RNASEH1: variants seen among roughly 807,000 people sequenced by gnomAD.
RNASEH1 encodes ribonuclease H type II.
In RNASEH1, 27 loss-of-function variants were observed where a neutral mutation model predicts 34.6. The observed-to-expected ratio is 0.78, with a 90% CI of 0.58 to 1.08. The LOEUF (loss-of-function observed/expected upper bound fraction) is 1.08. Ranked by LOEUF, RNASEH1 falls within the 50% of genes least tolerant of loss-of-function variation. The pLI, the probability that RNASEH1 is intolerant of heterozygous loss-of-function variation, is 0.00. For missense variants in RNASEH1, 349 were observed against 373.6 expected (o/e 0.93, Z 0.54); for synonymous variants, 162 against 138.4 (o/e 1.17, Z -1.20).
intron 4 of RNASEH1, chr2:3,550,058 G>A (rs1241084873): frequency 2.7e-5 from 7 of 263,302 alleles, no homozygotes; most frequent in South Asian, 1.5e-4. Context: ...TGGGAGGATC[G>A]CTTGAGCCCA....
At chr2:3,533,995 ATT>A in the RNASEH1 span, 1 of 151,988 alleles carries the variant, frequency 6.6e-6, no homozygotes, top group Non-Finnish European at 1.5e-5. Context: ...TCGAATGGTG[ATT>A]TTTTTCTAGG....
Position 3,544,760 on chromosome 2 carries a change from C to T in RNASEH1, c.*1025G>A, listed in dbSNP as rs1416217847. 6.6e-6 allele frequency: 1 copy of T among 151,814 alleles called. No individual in the cohort carries two copies. The highest frequency in any genetic ancestry group is 1.5e-5 in the Non-Finnish European group (1 of 67,974). 9.4% of individuals were successfully genotyped at this position (151,814 alleles called of 1,614,324 possible). On this transcript the variant is annotated 3_prime_UTR_variant, in exon 8 of 8. Transcript: ENST00000315212. ...AAAGGTTTAAAACTAAATAAATAAT[C>T]ATGTCAAACTTTTACTACTTTTTTT...
At position 3,541,774 on chromosome 2, in the gene RNASEH1, G is replaced by A. The variant is rs540468125; in HGVS notation, c.*4011C>T. Among the ~76,000 whole-genome samples the A allele has an allele frequency of 1.6e-4, 24 of 152,204 alleles. No homozygotes were observed. Among genetic ancestry groups the A allele is most frequent in the Non-Finnish European group, 3.2e-4 (22 of 68,042 alleles). ...TTGGTGGTGATGGACATGTTCTGGCGACAGCTTCACAGGCAAATGCATCGG... is the reference window on the plus strand; with the variant it reads ...TTGGTGGTGATGGACATGTTCTGGCAACAGCTTCACAGGCAAATGCATCGG... On this transcript the variant is annotated 3_prime_UTR_variant, in exon 8 of 8. Coordinates refer to ENST00000315212, the MANE Select transcript of RNASEH1 (RefSeq NM_002936.6).
chr2:3,538,390 A>T (rs1302201493), downstream of RNASEH1, among the ~76,000 whole-genome samples: 1 of 151,606 alleles, frequency 6.6e-6, no homozygotes, highest in African/African-American at 2.4e-5. Context: ...AAAAGATAAA[A>T]AGATAGCATA....
At chr2:3,532,899 A>G in the RNASEH1 span, among the ~76,000 whole-genome samples, 1 of 152,232 alleles carries the variant, frequency 6.6e-6, no homozygotes, top group Admixed American at 6.5e-5. Flanking sequence ...ACTAAGGGGC[A>G]TGGAGGCGCT....
Position 3,541,496 on chromosome 2 carries a change from T to A in RNASEH1, c.*4289A>T, listed in dbSNP as rs987433097. Among the ~76,000 whole-genome samples, 1 of 152,150 alleles carries A rather than the reference T, an allele frequency of 6.6e-6. No individual in the cohort carries two copies. Among genetic ancestry groups the A allele is most frequent in the African/African-American group, 2.4e-5 (1 of 41,426 alleles). On this transcript the variant is annotated 3_prime_UTR_variant, in exon 8 of 8. Transcript: ENST00000315212. ...AAATTGGAAATAATCGAAATATCGGTCAACAGGTAAATAAATAAACTGTGG... is the reference window on the plus strand; with the variant it reads ...AAATTGGAAATAATCGAAATATCGGACAACAGGTAAATAAATAAACTGTGG...
the RNASEH1 span, among the ~76,000 whole-genome samples, chr2:3,535,835 G>A: frequency 6.6e-6 from 1 of 152,230 alleles, no homozygotes; most frequent in African/African-American, 2.4e-5. Context: ...CTCTGCACTA[G>A]TACAGGCAGG....
chr2:3,549,124 C>G lies in RNASEH1; in HGVS notation c.510-12G>C. On this transcript the variant is annotated splice_polypyrimidine_tract_variant and intron_variant, in intron 4 of 7. Transcript: ENST00000315212. ...TAATGCCTACATTTCTGTTTCAAAA[C>G]AGTACAAAAGAAAATAAAAGTATAA... The G allele has an allele frequency of 6.2e-7, 1 of 1,606,736 alleles. No individual in the cohort carries two copies. Among genetic ancestry groups the G allele is most frequent in the South Asian group, 1.1e-5 (1 of 90,624 alleles).
rs1011586297 is a variant in RNASEH1, at chr2:3,542,198, C to T, written c.*3587G>A. 1.3e-5 allele frequency among the ~76,000 whole-genome samples: 2 copies of T among 152,106 alleles called. No homozygotes were observed. Among genetic ancestry groups the T allele is most frequent in the Non-Finnish European group, 2.9e-5 (2 of 68,032 alleles). On this transcript the variant is annotated 3_prime_UTR_variant, in exon 8 of 8. Coordinates refer to ENST00000315212, the MANE Select transcript of RNASEH1 (RefSeq NM_002936.6). ...CTAAACTCCAGTTCAAGCAAATCTT[C>T]TTAAAATAACAGATATGAAGTACAC... is the stretch of plus-strand genomic sequence containing the variant.
Position 3,541,822 on chromosome 2 carries a change from A to G in RNASEH1, c.*3963T>C, listed in dbSNP as rs1668330524. ...CGGTCACTTCACGTATGTGCAGTTC[A>G]TTACCTGTCAGTTACACCTCAACAG... On this transcript the variant is annotated 3_prime_UTR_variant, in exon 8 of 8. Transcript: ENST00000315212. Among the ~76,000 whole-genome samples the G allele has an allele frequency of 6.6e-6, 1 of 152,170 alleles. No homozygotes were observed. The highest frequency in any genetic ancestry group is 2.4e-5 in the African/African-American group (1 of 41,442).
chr2:3,558,324 G>T lies in RNASEH1; in HGVS notation c.-64C>A. ...CCCAGCGTGGGCGCGAGCCGCCGGCGCTCAACACCGCACTTCCGTCACCGG... is the reference window on the plus strand; with the variant it reads ...CCCAGCGTGGGCGCGAGCCGCCGGCTCTCAACACCGCACTTCCGTCACCGG... On this transcript the variant is annotated 5_prime_UTR_variant, in exon 1 of 8. Transcript: ENST00000315212. 1 of 1,458,132 alleles carries T rather than the reference G, an allele frequency of 6.9e-7. No individual in the cohort carries two copies. Among genetic ancestry groups the T allele is most frequent in the Admixed American group, 2.6e-5 (1 of 38,112 alleles). The allele number at this position is 1,458,132 out of a possible 1,614,324, so 90.3% of individuals were successfully genotyped here.
chr2:3,552,122 T>C, intron 3 of RNASEH1, 22 bp downstream of exon 3: 1 of 1,588,678 alleles, frequency 6.3e-7, no homozygotes, highest in Non-Finnish European at 8.6e-7. Flanking sequence ...TATTAAAATC[T>C]GAAAACCCAA....
the RNASEH1 span, chr2:3,532,192 T>C: frequency 1.0e-5 from 7 of 695,186 alleles, no homozygotes; most frequent in African/African-American, 1.0e-4. Flanking sequence ...CCTCCGGGTG[T>C]CAGCACCTGG....
At chr2:3,538,349 T>C (rs1252525110), downstream of RNASEH1, among the ~76,000 whole-genome samples, 1 of 151,090 alleles carries the variant, frequency 6.6e-6, no homozygotes, top group Non-Finnish European at 1.5e-5. Context: ...CAAAACTCCA[T>C]CTCAAAAAAA....
intron 2 of RNASEH1, among the ~76,000 whole-genome samples, chr2:3,553,156 G>A (rs1334729109): frequency 6.6e-6 from 1 of 151,788 alleles, no homozygotes; most frequent in Non-Finnish European, 1.5e-5. Context: ...GCTGAGGCAG[G>A]AGAATGGTGT....
At position 3,545,036 on chromosome 2, in the gene RNASEH1, A is replaced by C. The variant is rs971539762; in HGVS notation, c.*749T>G. 2 of 151,238 alleles carry C rather than the reference A, an allele frequency of 1.3e-5. No individual in the cohort carries two copies. The highest frequency in any genetic ancestry group is 4.9e-5 in the African/African-American group (2 of 41,140). 9.4% of individuals were successfully genotyped at this position (151,238 alleles called of 1,614,324 possible). A position where few individuals can be genotyped will look rare whatever the true frequency, so the allele number is the denominator to read the frequency against. On this transcript the variant is annotated 3_prime_UTR_variant, in exon 8 of 8. Transcript: ENST00000315212. ...GTGATCTGCCCGCCTTGGCCTCCCA[A>C]AGTGCTAGGATTACAGAAGTGAGCC...
chr2:3,542,256 G>A lies in RNASEH1; in HGVS notation c.*3529C>T, dbSNP rs758040208. On this transcript the variant is annotated 3_prime_UTR_variant, in exon 8 of 8. Transcript: ENST00000315212. ...GAGCACACCATACGCTTGCAAATAT[G>A]GACCAGGACAACCAATACCAACACA... Among the ~76,000 whole-genome samples, 5 of 152,102 alleles carry A rather than the reference G, an allele frequency of 3.3e-5. No individual in the cohort carries two copies. Among genetic ancestry groups the A allele is most frequent in the Non-Finnish European group, 7.4e-5 (5 of 68,018 alleles).
At chr2:3,532,181 A>G in the RNASEH1 span, 2 of 687,566 alleles carry the variant, frequency 2.9e-6, no homozygotes, top group Non-Finnish European at 5.3e-6. Flanking sequence ...GAGCAGCCAG[A>G]CCTCCGGGTG....
intron 4 of RNASEH1, among the ~76,000 whole-genome samples, chr2:3,549,516 T>C (rs568113198): frequency 1.3e-5 from 2 of 152,278 alleles, no homozygotes; most frequent in East Asian, 1.9e-4. Context: ...TTATTTAAAA[T>C]TTGGGGTCAC....
Sources: gnomAD v4.1 joint callset for allele counts (sites outside exome capture counted in the v4.1 genomes callset) on GRCh38, gnomAD v4.1.1 for gene constraint, MANE v1.5 for transcripts, NCBI Gene and HGNC (gene_info 2026-07-23, HGNC 2026-07-21) for gene names.